UBE2E3: variants seen among roughly 807,000 people sequenced by gnomAD.
UBE2E3 encodes the protein ubiquitin conjugating enzyme E2 E3.
UBE2E3 carries 5 observed loss-of-function variants against 23.6 expected under a neutral mutation model. The observed-to-expected ratio is 0.21, with a 90% confidence interval of 0.11 to 0.44. The LOEUF (loss-of-function observed/expected upper bound fraction) is 0.44. Among genes scored for constraint, UBE2E3 ranks in the 20% least tolerant of loss-of-function variants. UBE2E3 has a pLI of 0.99. For synonymous variants in UBE2E3, 78 were observed against 87.5 expected (o/e 0.89, Z 0.60); for missense variants, 81 against 249.8 (o/e 0.32, Z 4.55).
At chr2:181,024,693 A>G (rs191254143) in intron 3 of UBE2E3, among the ~76,000 whole-genome samples, 67 of 152,190 alleles carry the variant, frequency 4.4e-4, no homozygotes, top group African/African-American at 1.5e-3. Flanking sequence ...TTTAGTGACT[A>G]CTTATATGCT....
intron 3 of UBE2E3, among the ~76,000 whole-genome samples, chr2:181,008,688 C>G (rs1685225329): frequency 6.6e-6 from 1 of 152,126 alleles, no homozygotes; most frequent in African/African-American, 2.4e-5. Flanking sequence ...GGAGGATTTC[C>G]TTAGTGGACT....
intron 3 of UBE2E3, among the ~76,000 whole-genome samples, chr2:180,999,643 C>G (rs1684935096): frequency 6.7e-6 from 1 of 149,622 alleles, no homozygotes; most frequent in Non-Finnish European, 1.5e-5. Flanking sequence ...CCACCCCTCC[C>G]AAAAAAAAAG....
At chr2:181,017,310 G>C (rs1239438029) in intron 3 of UBE2E3, among the ~76,000 whole-genome samples, 1 of 152,196 alleles carries the variant, frequency 6.6e-6, no homozygotes, top group African/African-American at 2.4e-5. Context: ...GGAGGGGCCA[G>C]TGGGACGAGT....
At chr2:181,027,236 C>T (rs1685923229) in intron 3 of UBE2E3, among the ~76,000 whole-genome samples, 1 of 151,824 alleles carries the variant, frequency 6.6e-6, no homozygotes, top group South Asian at 2.1e-4. Context: ...TATGTTTGTG[C>T]ATTTGTGCAT....
chr2:181,038,928 G>A (rs2105661541), intron 3 of UBE2E3, among the ~76,000 whole-genome samples: 1 of 152,198 alleles, frequency 6.6e-6, no homozygotes, highest in East Asian at 1.9e-4. Flanking sequence ...ACAGGATGAG[G>A]AAGGATGTGT....
At position 181,053,422 on chromosome 2, in the gene UBE2E3, C is replaced by T. The variant is rs143788356; in HGVS notation, c.246-4271C>T. Among the ~76,000 whole-genome samples, 157 of 151,942 alleles carry T rather than the reference C, an allele frequency of 1.0e-3. 1 individual carries two copies. The Middle Eastern group carries it at 0.014, about 13-fold the overall frequency. On this transcript the variant is annotated intron_variant, in intron 3 of 5. Coordinates refer to ENST00000410062, the MANE Select transcript of UBE2E3 (RefSeq NM_006357.4). Reference sequence around the variant, plus strand: ...CTGATTTCAGAACAAATTTTTGGAACATACTCGTTTATAAAAGTTAGTAAC... The same window carrying T: ...CTGATTTCAGAACAAATTTTTGGAATATACTCGTTTATAAAAGTTAGTAAC...
chr2:181,021,017 A>G (rs1003216484), intron 3 of UBE2E3, among the ~76,000 whole-genome samples: 1 of 152,210 alleles, frequency 6.6e-6, no homozygotes, highest in Admixed American at 6.5e-5. Flanking sequence ...AACTGATGAA[A>G]GGGTTATTAC....
At chr2:181,006,657 A>G (rs1420267371) in intron 3 of UBE2E3, among the ~76,000 whole-genome samples, 1 of 150,046 alleles carries the variant, frequency 6.7e-6, no homozygotes, top group African/African-American at 2.4e-5. Context: ...TGAGATAATT[A>G]TAGATTCATA....
At chr2:181,033,496 G>T (rs919027999) in intron 3 of UBE2E3, among the ~76,000 whole-genome samples, 29 of 152,260 alleles carry the variant, frequency 1.9e-4, no homozygotes, top group Admixed American at 5.2e-4. Context: ...GCTGAAACTG[G>T]ATCCCTTCCT....
At chr2:181,014,600 C>A (rs888548878) in intron 3 of UBE2E3, among the ~76,000 whole-genome samples, 2 of 152,212 alleles carry the variant, frequency 1.3e-5, no homozygotes, top group East Asian at 3.9e-4. Context: ...GGTTGTATGT[C>A]ATGGAAACCT....
At chr2:180,998,100 A>C (rs535898773) in intron 3 of UBE2E3, among the ~76,000 whole-genome samples, 24 of 152,316 alleles carry the variant, frequency 1.6e-4, no homozygotes, top group African/African-American at 5.5e-4. Flanking sequence ...TGCCAGACTC[A>C]AAGTGTAGAG....
intron 3 of UBE2E3, among the ~76,000 whole-genome samples, chr2:181,017,902 GAAT>G (rs1044600994): frequency 5.8e-4 from 88 of 150,788 alleles, no homozygotes; most frequent in African/African-American, 2.1e-3. Flanking sequence ...TTGGTTAGAG[GAAT>G]CCCAGCTTCA....
chr2:181,024,675 C>A (rs116184302), intron 3 of UBE2E3, among the ~76,000 whole-genome samples: 1 of 151,956 alleles, frequency 6.6e-6, no homozygotes, highest in South Asian at 2.1e-4. Flanking sequence ...TACAATAAAG[C>A]TGAAAATTTT....
At chr2:180,986,061 A>T (rs1304922905) in intron 3 of UBE2E3, among the ~76,000 whole-genome samples, 1 of 152,158 alleles carries the variant, frequency 6.6e-6, no homozygotes, top group Non-Finnish European at 1.5e-5. Context: ...TCCTTGAAAT[A>T]ATGCTTCCTC....
At chr2:180,998,457 G>A (rs1684895952) in intron 3 of UBE2E3, among the ~76,000 whole-genome samples, 1 of 152,094 alleles carries the variant, frequency 6.6e-6, no homozygotes, top group Non-Finnish European at 1.5e-5. Context: ...GATAAGGAGA[G>A]TGGGGAAGGG....
chr2:181,006,524 A>G (rs1477123339), intron 3 of UBE2E3, among the ~76,000 whole-genome samples: 1 of 151,956 alleles, frequency 6.6e-6, no homozygotes, highest in East Asian at 1.9e-4. Flanking sequence ...GTATGTCCCA[A>G]ATGTACATGG....
chr2:181,049,953 T>G (rs992685584), intron 3 of UBE2E3, among the ~76,000 whole-genome samples: 1 of 151,950 alleles, frequency 6.6e-6, no homozygotes, highest in African/African-American at 2.4e-5. Context: ...AAAAATATAT[T>G]TATTTGCCAT....
chr2:181,058,412 G>A (rs111679354), intron 4 of UBE2E3, among the ~76,000 whole-genome samples: 23 of 150,874 alleles, frequency 1.5e-4, no homozygotes, highest in Non-Finnish European at 2.8e-4. Flanking sequence ...AACAGAGAAC[G>A]GGGTGAGTTG....
At chr2:181,033,358 C>A (rs186210528) in intron 3 of UBE2E3, among the ~76,000 whole-genome samples, 1,653 of 152,064 alleles carry the variant, frequency 0.011, 27 homozygotes, top group African/African-American at 0.037. Flanking sequence ...CAGAACAGAG[C>A]CTTCAGAAAT....
Sources: gnomAD v4.1 joint callset for allele counts (sites outside exome capture counted in the v4.1 genomes callset) on GRCh38, gnomAD v4.1.1 for gene constraint, MANE v1.5 for transcripts, NCBI Gene and HGNC (gene_info 2026-07-23, HGNC 2026-07-21) for gene names.